ZNF761: variants seen among roughly 807,000 people sequenced by gnomAD.
The protein encoded by ZNF761 is zinc finger protein 761.
ZNF761 carries 43 observed loss-of-function variants against 59.9 expected under a neutral mutation model. The observed-to-expected ratio is 0.72, with a 90% confidence interval of 0.56 to 0.92. ZNF761 has a LOEUF of 0.92. Among genes scored for constraint, ZNF761 ranks in the 40% least tolerant of loss-of-function variants. ZNF761 has a pLI of 0.00. For synonymous variants in ZNF761, 294 were observed against 304.8 expected (o/e 0.96, Z 0.37); for missense variants, 850 against 906.1 (o/e 0.94, Z 0.79).
intron 1 of ZNF761, chr19:53,441,961 AG>A: frequency 6.9e-7 from 1 of 1,448,378 alleles, no homozygotes; most frequent in South Asian, 1.1e-5. Flanking sequence ...ACCTCCAGTG[AG>A]AAGCTGAGGG....
In ZNF761 at chr19:53,454,833, A is replaced by G; in HGVS notation, c.326A>G (p.His109Arg). 6.2e-7 allele frequency: 1 copy of G among 1,614,194 alleles called. No individual in the cohort carries two copies. The highest frequency in any genetic ancestry group is 8.5e-7 in the Non-Finnish European group (1 of 1,180,020). Residue 109 changes from histidine to arginine, a missense_variant, in exon 5 of 5, where the codon CAT becomes CGT. Physicochemically the swap from His to Arg is conservative, Grantham distance 29. Coordinates refer to ENST00000684525, the MANE Select transcript of ZNF761 (RefSeq NM_001289951.2). ...FQWQEDERNG[H>R]EAPMTKIKKL... ...TGGCAAGAAGATGAAAGAAATGGCC[A>G]TGAAGCACCCATGACAAAAATCAAA...
chr19:53,438,659 C>T (rs530989082), intron 1 of ZNF761, among the ~76,000 whole-genome samples: 2 of 152,270 alleles, frequency 1.3e-5, no homozygotes, highest in East Asian at 3.9e-4. Context: ...AATGTTGCTG[C>T]GTCTAAAAAT....
Position 53,456,123 on chromosome 19 carries a change from G to T in ZNF761, c.1616G>T (p.Cys539Phe). 1 of 1,603,864 alleles carries T rather than the reference G, an allele frequency of 6.2e-7. No individual in the cohort carries two copies. Among genetic ancestry groups the T allele is most frequent in the East Asian group, 2.2e-5 (1 of 44,456 alleles). The change falls in exon 5 of 5, where the codon TGC becomes TTC. Residue 539 changes from cysteine (C) to phenylalanine (F), a missense_variant. Physicochemically the swap from Cys to Phe is radical, Grantham distance 205. Coordinates refer to ENST00000684525, the MANE Select transcript of ZNF761 (RefSeq NM_001289951.2). ...TTTAGTTGGAAGTCATCCCTTACCT[G>T]CCATCGTAGACTTCATTCTGGAGAG... ...KTFSWKSSLT[C>F]HRRLHSGEKP...
chr19:53,435,750 GGGTGA>G (rs2086035355), intron 1 of ZNF761, among the ~76,000 whole-genome samples: 1 of 151,902 alleles, frequency 6.6e-6, no homozygotes, highest in East Asian at 1.9e-4. Flanking sequence ...TGGTTAAGGG[GGGTGA>G]CAACAGCAAA....
At chr19:53,433,675 C>G (rs769223622) in intron 1 of ZNF761, among the ~76,000 whole-genome samples, 14 of 152,136 alleles carry the variant, frequency 9.2e-5, no homozygotes, top group Non-Finnish European at 1.8e-4. Flanking sequence ...ATATTTATAT[C>G]GGGCTATTAG....
chr19:53,455,371 T>G lies in ZNF761; in HGVS notation c.864T>G (p.His288Gln). The G allele has an allele frequency of 1.2e-6, 2 of 1,614,186 alleles. No homozygotes were observed. The highest frequency in any genetic ancestry group is 2.7e-5 in the African/African-American group (2 of 75,046). Reference sequence around the variant, plus strand: ...GTCAGACGTCATCCCTTACATGCCATCGTAGACTTCATACTGGAGAGAAAC... The same window carrying G: ...GTCAGACGTCATCCCTTACATGCCAGCGTAGACTTCATACTGGAGAGAAAC... Reference protein sequence around the residue: ...TFSQTSSLTCHRRLHTGEKPY... With the variant: ...TFSQTSSLTCQRRLHTGEKPY... Residue 288 changes from histidine to glutamine, a missense_variant, in exon 5 of 5, where the codon CAT (histidine) becomes CAG (glutamine). Coordinates refer to ENST00000684525, the MANE Select transcript of ZNF761 (RefSeq NM_001289951.2).
chr19:53,447,278 T>C lies in ZNF761; in HGVS notation c.10T>C (p.Ser4Pro), dbSNP rs751595013. The C allele has an allele frequency of 1.2e-5, 20 of 1,613,268 alleles. No homozygotes were observed. The highest frequency in any genetic ancestry group is 1.5e-5 in the Non-Finnish European group (18 of 1,179,684). The change falls in exon 3 of 5, where the codon TCT (serine) becomes CCT (proline). Residue 4 changes from serine (S) to proline (P), a missense_variant. Ser to Pro is a moderately conservative substitution (Grantham distance 74, BLOSUM62 -1). Coordinates refer to ENST00000684525, the MANE Select transcript of ZNF761 (RefSeq NM_001289951.2). ...AGCAAAGGAGTCAGGGATGGCTTTT[T>C]CTCAGGTGAGATGATATTTTCAGTG... MAFSQGLLTFRDVA... is the reference protein window; with the variant it reads MAFPQGLLTFRDVA...
rs769397932 is a variant in ZNF761 at position 53,455,833 on chromosome 19, G to A, written c.1326G>A (p.Glu442=). Residue 442 remains glutamate (E), a synonymous_variant, in exon 5 of 5, where the codon GAG becomes GAA. Transcript: ENST00000684525. ...HTEDNAYKCN[E]CGKTFSRTSS... ...AAGACAATGCTTACAAGTGTAATGAGTGTGGAAAGACCTTTAGCCGGACAT... is the reference window on the plus strand; with the variant it reads ...AAGACAATGCTTACAAGTGTAATGAATGTGGAAAGACCTTTAGCCGGACAT... 3.1e-6 allele frequency: 5 copies of A among 1,613,786 alleles called. No individual in the cohort carries two copies. The East Asian group carries it at 9.0e-5, about 29-fold the overall frequency.
chr19:53,440,574 G>A (rs1405959723), intron 1 of ZNF761, among the ~76,000 whole-genome samples: 1 of 152,198 alleles, frequency 6.6e-6, no homozygotes, highest in African/African-American at 2.4e-5. Context: ...GACTTATTCA[G>A]TTGTGAATTA....
rs200772743 is a variant in ZNF761 at position 53,449,489 on chromosome 19, G to A, written c.16-23G>A. On this transcript the variant is annotated intron_variant, in intron 3 of 4. Transcript: ENST00000684525. The stretch of plus-strand genomic sequence containing the variant: ...TAAGAACTCCTCTCATAACCATTTG[G>A]TTAAAATGTGTTTTCATTTCAGGGT... 13 of 1,546,340 alleles carry A rather than the reference G, an allele frequency of 8.4e-6. No homozygotes were observed. The Admixed American group carries it at 9.2e-5, about 11-fold the overall frequency.
Position 53,456,153 on chromosome 19 carries a change from C to G in ZNF761, c.1646C>G (p.Pro549Arg). ...CGTAGACTTCATTCTGGAGAGAAAC[C>G]TTACAAGTGTAAGGAGTGTGGCAAG... ...CHRRLHSGEK[P>R]YKCKECGKTF... is the part of the protein sequence containing the mutation. The change falls in exon 5 of 5, where the codon CCT (proline) becomes CGT (arginine). Residue 549 changes from proline to arginine, a missense_variant. Pro to Arg is a moderately radical substitution (Grantham distance 103). Transcript: ENST00000684525. The G allele has an allele frequency of 1.2e-6, 2 of 1,614,052 alleles. No individual in the cohort carries two copies. The highest frequency in any genetic ancestry group is 2.2e-5 in the South Asian group (2 of 91,066).
chr19:53,436,453 A>C (rs1397012645), intron 1 of ZNF761, among the ~76,000 whole-genome samples: 1 of 152,170 alleles, frequency 6.6e-6, no homozygotes, highest in Non-Finnish European at 1.5e-5. Context: ...GGCCGACTGA[A>C]CAAACTCTAA....
rs766988495 is a variant in ZNF761, at chr19:53,454,818, A to G, written c.311A>G (p.Asp104Gly). 43 of 1,614,156 alleles carry G rather than the reference A, an allele frequency of 2.7e-5. No individual in the cohort carries two copies. The highest frequency in any genetic ancestry group is 3.5e-5 in the Non-Finnish European group (41 of 1,180,026). Residue 104 changes from aspartate to glycine, a missense_variant, in exon 5 of 5, where the codon GAT becomes GGT. Coordinates refer to ENST00000684525, the MANE Select transcript of ZNF761 (RefSeq NM_001289951.2). ...GACTATGAATTTCAATGGCAAGAAGATGAAAGAAATGGCCATGAAGCACCC... is the reference window on the plus strand; with the variant it reads ...GACTATGAATTTCAATGGCAAGAAGGTGAAAGAAATGGCCATGAAGCACCC... Reference protein sequence around the residue: ...IHDYEFQWQEDERNGHEAPMT... With the variant: ...IHDYEFQWQEGERNGHEAPMT...
At position 53,447,026 on chromosome 19, in the gene ZNF761, C is replaced by A. The variant is rs1233960537; in HGVS notation, c.-73-170C>A. 7 of 410,744 alleles carry A rather than the reference C, an allele frequency of 1.7e-5. No homozygotes were observed. The East Asian group carries it at 3.2e-4, about 18-fold the overall frequency. The allele number at this position is 410,744 out of a possible 1,614,324, so 25.4% of individuals were successfully genotyped here. On this transcript the variant is annotated intron_variant, in intron 2 of 4. Coordinates refer to ENST00000684525, the MANE Select transcript of ZNF761 (RefSeq NM_001289951.2). ...CACTGTTGCAGCGTGTGTGTGGGCT[C>A]CTCTAGGAAAGAAGTGCGAGTTTTC...
intron 4 of ZNF761, 100 bp from the exon 5 acceptor site, chr19:53,454,550 A>G: frequency 7.8e-7 from 1 of 1,282,798 alleles, no homozygotes; most frequent in Non-Finnish European, 1.1e-6. Flanking sequence ...ATGTTTGGAA[A>G]GTTTAAAATA....
At chr19:53,440,706 G>C (rs1290023626) in intron 1 of ZNF761, among the ~76,000 whole-genome samples, 4 of 151,948 alleles carry the variant, frequency 2.6e-5, no homozygotes, top group Non-Finnish European at 5.9e-5. Flanking sequence ...TTGAGACAGG[G>C]CTGGCTCTAT....
At chr19:53,450,033 G>A (rs996719053) in intron 4 of ZNF761, 122 of 432,542 alleles carry the variant, frequency 2.8e-4, no homozygotes, top group South Asian at 1.4e-3. Flanking sequence ...GGCCGGGCTT[G>A]GTGGCTCACG....
At position 53,454,915 on chromosome 19, in the gene ZNF761, T is replaced by C; in HGVS notation, c.408T>C (p.Ile136=). 6.2e-7 allele frequency: 1 copy of C among 1,614,146 alleles called. No individual in the cohort carries two copies. Among genetic ancestry groups the C allele is most frequent in the East Asian group, 2.2e-5 (1 of 44,870 alleles). The change falls in exon 5 of 5, where the codon ATT becomes ATC. Residue 136 remains isoleucine (I), a synonymous_variant. Coordinates refer to ENST00000684525, the MANE Select transcript of ZNF761 (RefSeq NM_001289951.2). ...YDQSHARNKP[I]KDQLGSSFHS... ...AAAGTCATGCTAGAAACAAGCCTAT[T>C]AAAGATCAGCTTGGATCAAGCTTTC...
Position 53,455,500 on chromosome 19 carries a change from T to C in ZNF761, c.993T>C (p.Cys331=), listed in dbSNP as rs764669693. The C allele has an allele frequency of 1.5e-5, 24 of 1,613,984 alleles. No homozygotes were observed. The highest frequency in any genetic ancestry group is 1.9e-5 in the Non-Finnish European group (22 of 1,180,020). The change falls in exon 5 of 5, where the codon TGT becomes TGC. Residue 331 remains cysteine, a synonymous_variant. Transcript: ENST00000684525. ...TEEKPYKCNE[C]GKTFRQKSIL... is the part of the protein sequence containing the mutation. Reference sequence around the variant, plus strand: ...AGAAACCATATAAGTGTAATGAGTGTGGCAAGACCTTTAGGCAGAAGTCAA... The same window carrying C: ...AGAAACCATATAAGTGTAATGAGTGCGGCAAGACCTTTAGGCAGAAGTCAA...
Sources: allele counts gnomAD v4.1 joint callset (sites outside exome capture counted in the v4.1 genomes callset), GRCh38; gene constraint gnomAD v4.1.1; transcripts MANE v1.5; gene names NCBI Gene and HGNC (gene_info 2026-07-23, HGNC 2026-07-21).